Variants in KCNT1 observed in about 807,000 individuals in gnomAD.
KCNT1 encodes the protein potassium channel subfamily T member 1.
KCNT1 carries 78 observed loss-of-function variants against 147.8 expected under a neutral mutation model. The observed-to-expected ratio is 0.53, with a 90% CI of 0.44 to 0.64. The LOEUF is 0.64. Ranked by LOEUF, KCNT1 falls within the 30% of genes least tolerant of loss-of-function variation. The pLI, the probability that KCNT1 is intolerant of heterozygous loss-of-function variation, is 0.00. For missense variants in KCNT1, 1,419 were observed against 1,750.3 expected, an observed-to-expected ratio of 0.81 and a Z score of 3.38; for synonymous variants, 867 against 748.8, an observed-to-expected ratio of 1.16 and a Z score of -2.58.
intron 29 of KCNT1, among the ~76,000 whole-genome samples, chr9:135,786,810 G>A (rs754663421): frequency 5.3e-5 from 8 of 152,250 alleles, no homozygotes; most frequent in Non-Finnish European, 8.8e-5. Context: ...GAGCCCCGTA[G>A]GGAGGTGCTC....
rs749974440 is a variant in KCNT1, at chr9:135,765,153, C to G, written c.1158C>G (p.Leu386=). ...LCVSSLKIDL[L]MDFLNEFYAH... is the part of the protein sequence containing the mutation. ...TCAGCTCCCTCAAGATCGACCTTCT[C>G]ATGGACTTCCTGAACGAGTTCTACG... The change falls in exon 12 of 31, where the codon CTC becomes CTG. Residue 386 remains leucine (L), a synonymous_variant. Coordinates refer to ENST00000371757, the MANE Select transcript of KCNT1 (RefSeq NM_020822.3). The G allele has an allele frequency of 1.3e-5, 21 of 1,613,288 alleles. No individual in the cohort carries two copies. Among genetic ancestry groups the G allele is most frequent in the Middle Eastern group, 3.3e-4 (2 of 6,080 alleles).
intron 24 of KCNT1, among the ~76,000 whole-genome samples, chr9:135,780,114 GTTGCC>G (rs1014543270): frequency 6.6e-6 from 1 of 152,220 alleles, no homozygotes; most frequent in Admixed American, 6.5e-5. Context: ...CACTGTTGCT[GTTGCC>G]TTGATATCTG....
chr9:135,713,204 G>C (rs534183108), intron 1 of KCNT1, among the ~76,000 whole-genome samples: 153 of 152,342 alleles, frequency 1.0e-3, no homozygotes, highest in Admixed American at 3.0e-3. Context: ...ATAGAGCCCC[G>C]ACCCCTGGCC....
In KCNT1 at chr9:135,792,534, GCAGAACC is replaced by G. The variant is rs376071242; in HGVS notation, c.*384_*390del. 9.8e-5 allele frequency: 19 copies of G among 193,966 alleles called. No homozygotes were observed. The highest frequency in any genetic ancestry group is 2.8e-4 in the African/African-American group (12 of 42,332). The allele number at this position is 193,966 out of a possible 1,614,324, so 12.0% of individuals were successfully genotyped here. On this transcript the variant is annotated 3_prime_UTR_variant, in exon 31 of 31. Coordinates refer to ENST00000371757, the MANE Select transcript of KCNT1 (RefSeq NM_020822.3). ...GGGGCTGGGGTGCATGGGGAGGGGA[GCAGAACC>G]CAGAACCCAGGAGCCCCGCGTGGGC...
At chr9:135,705,909 G>A (rs111520159) in intron 1 of KCNT1, among the ~76,000 whole-genome samples, 403 of 152,240 alleles carry the variant, frequency 2.6e-3, no homozygotes, top group African/African-American at 9.2e-3. Context: ...GGCGGGAGGT[G>A]GGGGAGGTGG....
chr9:135,791,501 T>C, intron 29 of KCNT1: 1 of 428,788 alleles, frequency 2.3e-6, no homozygotes, highest in East Asian at 4.5e-5. Context: ...GTGTGCTCAG[T>C]GCCTCTGCTC....
rs544331659 is a variant in KCNT1, at chr9:135,795,171, C to T, written c.*3010C>T. On this transcript the variant is annotated 3_prime_UTR_variant, in exon 31 of 31. Transcript: ENST00000371757. ...AAACTGGGCAGGGCGCAGTGTCTCACACCTGTAATCCCAGCACTTTGGGAG... is the reference window on the plus strand; with the variant it reads ...AAACTGGGCAGGGCGCAGTGTCTCATACCTGTAATCCCAGCACTTTGGGAG... 6.6e-6 allele frequency: 1 copy of T among 152,104 alleles called. No homozygotes were observed. The highest frequency in any genetic ancestry group is 2.4e-5 in the African/African-American group (1 of 41,366). 9.4% of individuals were successfully genotyped at this position (152,104 alleles called of 1,614,324 possible).
chr9:135,788,219 C>T, intron 29 of KCNT1: 2 of 1,406,656 alleles, frequency 1.4e-6, no homozygotes, highest in South Asian at 1.1e-5. Flanking sequence ...CAACCCTTCA[C>T]CGCCGGCAGC....
chr9:135,705,014 A>C (rs1181123965), intron 1 of KCNT1, among the ~76,000 whole-genome samples: 1 of 152,216 alleles, frequency 6.6e-6, no homozygotes, highest in Non-Finnish European at 1.5e-5. Flanking sequence ...CTTCTGTTCC[A>C]GTGGCTGGCC....
chr9:135,729,625 C>T (rs921312964), intron 2 of KCNT1, among the ~76,000 whole-genome samples: 10 of 152,250 alleles, frequency 6.6e-5, no homozygotes, highest in African/African-American at 1.9e-4. Flanking sequence ...GTAGCACGTA[C>T]ACCAGGCCTC....
chr9:135,786,291 G>T lies in KCNT1; in HGVS notation c.3272G>T (p.Gly1091Val). ...GCTGGCACCGGAGGCAGCTCCCAGG[G>T]CCGCCACACGGGCGGCGGTGACCCC... is the stretch of plus-strand genomic sequence containing the variant. ...SRAGTGGSSQ[G>V]RHTGGGDPAE... is the part of the protein sequence containing the mutation. The change falls in exon 29 of 31, where the codon GGC (glycine) becomes GTC (valine). Residue 1091 changes from glycine to valine, a missense_variant. Transcript: ENST00000371757. The T allele has an allele frequency of 6.2e-7, 1 of 1,606,410 alleles. No homozygotes were observed.
At chr9:135,774,549 TGTG>T (rs902961905) in intron 19 of KCNT1, among the ~76,000 whole-genome samples, 23 of 150,582 alleles carry the variant, frequency 1.5e-4, no homozygotes, top group Admixed American at 1.3e-3. Context: ...TGTAGTGTGT[TGTG>T]TGGTCTGTGT....
At chr9:135,738,249 C>G (rs1010034461) in intron 2 of KCNT1, among the ~76,000 whole-genome samples, 17 of 152,340 alleles carry the variant, frequency 1.1e-4, no homozygotes, top group African/African-American at 4.1e-4. Context: ...TGGGTGGCCT[C>G]GCTCATCCCC....
intron 18 of KCNT1, among the ~76,000 whole-genome samples, chr9:135,771,669 C>T (rs1166407548): frequency 6.6e-6 from 1 of 152,236 alleles, no homozygotes; most frequent in East Asian, 1.9e-4. Flanking sequence ...CTCGTGCCTT[C>T]AGGGATCCTC....
At chr9:135,781,350 GGA>G (rs902709250) in intron 24 of KCNT1, among the ~76,000 whole-genome samples, 13 of 152,148 alleles carry the variant, frequency 8.5e-5, no homozygotes, top group African/African-American at 3.1e-4. Flanking sequence ...AGCCGAGGGA[GGA>G]GAGGGTGCCG....
At chr9:135,711,635 G>A (rs1050493334) in intron 1 of KCNT1, among the ~76,000 whole-genome samples, 33 of 152,218 alleles carry the variant, frequency 2.2e-4, no homozygotes, top group African/African-American at 5.5e-4. Flanking sequence ...ACGTGACTAC[G>A]TGTGCACCAA....
intron 29 of KCNT1, chr9:135,788,061 CTCTCTT>C: frequency 2.0e-6 from 3 of 1,495,474 alleles, no homozygotes; most frequent in Non-Finnish European, 1.9e-6. Context: ...TTCTCTCTCT[CTCTCTT>C]TCTGTCTGTG....
chr9:135,770,136 G>A, intron 16 of KCNT1, 81 bp downstream of exon 16: 1 of 1,410,202 alleles, frequency 7.1e-7, no homozygotes, highest in Non-Finnish European at 9.7e-7. Flanking sequence ...CTTGGGGGCG[G>A]GGATGGGCTT....
chr9:135,769,178 GGCGC>G (rs1832563183), intron 15 of KCNT1, among the ~76,000 whole-genome samples: 1 of 146,970 alleles, frequency 6.8e-6, no homozygotes, highest in African/African-American at 2.6e-5. Flanking sequence ...TCTGGGGCAG[GGCGC>G]GTGTGCACAC....
Sources: allele counts gnomAD v4.1 joint callset (sites outside exome capture counted in the v4.1 genomes callset), GRCh38; gene constraint gnomAD v4.1.1; transcripts MANE v1.5; gene names NCBI Gene and HGNC (gene_info 2026-07-23, HGNC 2026-07-21).